The following CTNNA2 variants were observed in gnomAD, a reference collection of about 807,000 sequenced individuals.
CTNNA2 encodes the protein catenin alpha 2.
In CTNNA2, 42 loss-of-function variants were observed where a neutral mutation model predicts 101.0. That is an observed-to-expected ratio of 0.42 (90% confidence interval 0.32 to 0.54). The LOEUF is 0.54. CTNNA2 is among the 20% of genes least tolerant of loss of function. The pLI is 0.14. For synonymous variants in CTNNA2, 450 were observed against 456.4 expected, an observed-to-expected ratio of 0.99 and a Z score of 0.18; for missense variants, 871 against 1,223.1, an observed-to-expected ratio of 0.71 and a Z score of 4.29.
intron 14 of CTNNA2, among the ~76,000 whole-genome samples, chr2:80,588,819 T>C (rs916572428): frequency 1.3e-5 from 2 of 152,116 alleles, no homozygotes; most frequent in African/African-American, 4.8e-5. Flanking sequence ...CTTACACTCA[T>C]AGAAAGTAGC....
rs561639923 is a variant in CTNNA2, at chr2:80,020,942, C to T, written c.1056+111145C>T. Among the ~76,000 whole-genome samples, 3 of 150,060 alleles carry T rather than the reference C, an allele frequency of 2.0e-5. No individual in the cohort carries two copies. The South Asian group carries it at 6.4e-4, about 32-fold the overall frequency. ...CCTCCTCAGTGCCACCCAAGCAAGT[C>T]TCACTAAAATCCTCTTCTCTTTGGT... On this transcript the variant is annotated intron_variant, in intron 7 of 18. Transcript: ENST00000402739.
In CTNNA2 at chr2:79,322,174, A is replaced by T. The variant is rs1676639824; in HGVS notation, c.-318+9378A>T. Reference sequence around the variant, plus strand: ...CAGTCCGAGATTACCCTCCCGAAGGAGATGTCTTCAAAGGAACTAAGATAA... The same window carrying T: ...CAGTCCGAGATTACCCTCCCGAAGGTGATGTCTTCAAAGGAACTAAGATAA... On this transcript the variant is annotated intron_variant, in intron 3 of 21. Coordinates refer to the CTNNA2 transcript ENST00000466387. Among the ~76,000 whole-genome samples, 7 of 152,214 alleles carry T rather than the reference A, an allele frequency of 4.6e-5. No individual in the cohort carries two copies. The South Asian group carries it at 1.4e-3, about 32-fold the overall frequency.
At chr2:80,071,778 G>C (rs1280753268) in intron 7 of CTNNA2, among the ~76,000 whole-genome samples, 1 of 152,156 alleles carries the variant, frequency 6.6e-6, no homozygotes, top group Non-Finnish European at 1.5e-5. Context: ...TCATCGGCAG[G>C]GGTTGGAGAA....
intron 2 of CTNNA2, among the ~76,000 whole-genome samples, chr2:79,233,603 G>A (rs1253672424): frequency 6.6e-6 from 1 of 152,080 alleles, no homozygotes; most frequent in Non-Finnish European, 1.5e-5. Context: ...TCCAGAATTT[G>A]TTTTAGTTTC....
At chr2:79,523,562 A>G (rs1672236154) in intron 1 of CTNNA2, among the ~76,000 whole-genome samples, 1 of 152,160 alleles carries the variant, frequency 6.6e-6, no homozygotes, top group African/African-American at 2.4e-5. Flanking sequence ...TAAGATGAAC[A>G]TCCTTATACA....
At chr2:80,602,342 G>T (rs1697627492) in intron 15 of CTNNA2, among the ~76,000 whole-genome samples, 2 of 151,974 alleles carry the variant, frequency 1.3e-5, no homozygotes, top group African/African-American at 4.8e-5. Flanking sequence ...CATTAACTTG[G>T]AACATTTTGT....
At chr2:80,515,150 T>G (rs530565970) in intron 9 of CTNNA2, among the ~76,000 whole-genome samples, 1 of 151,502 alleles carries the variant, frequency 6.6e-6, no homozygotes, top group African/African-American at 2.4e-5. Context: ...GAATTGCCCA[T>G]CTTTTTTTTT....
At chr2:80,283,634 AGATGT>A (rs1674544754) in intron 7 of CTNNA2, among the ~76,000 whole-genome samples, 1 of 152,212 alleles carries the variant, frequency 6.6e-6, no homozygotes, top group African/African-American at 2.4e-5. Flanking sequence ...TTCAATGGGA[AGATGT>A]CTCATGAGTT....
chr2:79,314,046 A>T (rs1676441783), intron 3 of CTNNA2, among the ~76,000 whole-genome samples: 1 of 152,030 alleles, frequency 6.6e-6, no homozygotes, highest in African/African-American at 2.4e-5. Context: ...CTGTGCTGTT[A>T]GTCATTTTTC....
At chr2:79,910,955 AC>A (rs1386014575) in intron 7 of CTNNA2, among the ~76,000 whole-genome samples, 1 of 152,208 alleles carries the variant, frequency 6.6e-6, no homozygotes, top group Non-Finnish European at 1.5e-5. Context: ...ACTAAAAAAA[AC>A]AAAATTTGTT....
intron 7 of CTNNA2, among the ~76,000 whole-genome samples, chr2:80,062,300 C>T (rs1697653211): frequency 6.6e-6 from 1 of 152,144 alleles, no homozygotes; most frequent in Non-Finnish European, 1.5e-5. Context: ...TTATTCTCTG[C>T]CCTTTCCATC....
intron 7 of CTNNA2, among the ~76,000 whole-genome samples, chr2:80,014,368 A>G (rs570283612): frequency 6.8e-6 from 1 of 147,854 alleles, no homozygotes; most frequent in Non-Finnish European, 1.5e-5. Flanking sequence ...AGTTTCATGA[A>G]AAAGTGTTTT....
intron 7 of CTNNA2, among the ~76,000 whole-genome samples, chr2:79,962,925 A>G (rs940021864): frequency 6.6e-6 from 1 of 151,668 alleles, no homozygotes; most frequent in Non-Finnish European, 1.5e-5. Flanking sequence ...TAAAAAATTA[A>G]CCGGGCGTAG....
At chr2:79,369,574 C>T (rs541680522) in intron 3 of CTNNA2, among the ~76,000 whole-genome samples, 2 of 152,272 alleles carry the variant, frequency 1.3e-5, no homozygotes, top group South Asian at 4.1e-4. Flanking sequence ...CCTACAGAAG[C>T]TCCCCCAGGT....
chr2:79,471,291 A>G (rs1349911688), intron 4 of CTNNA2, among the ~76,000 whole-genome samples: 2 of 152,172 alleles, frequency 1.3e-5, no homozygotes, highest in African/African-American at 2.4e-5. Flanking sequence ...TAAAAATACT[A>G]TAGTCTTAGT....
chr2:79,745,557 A>T (rs1165660022), intron 3 of CTNNA2, among the ~76,000 whole-genome samples: 1 of 152,168 alleles, frequency 6.6e-6, no homozygotes, highest in Non-Finnish European at 1.5e-5. Context: ...TTGCAAACTG[A>T]AACTCTATAC....
intron 3 of CTNNA2, among the ~76,000 whole-genome samples, chr2:79,333,191 C>T (rs974067169): frequency 4.6e-5 from 7 of 151,964 alleles, no homozygotes; most frequent in Non-Finnish European, 8.8e-5. Context: ...AAGACATATT[C>T]AAGCAACACC....
intron 7 of CTNNA2, among the ~76,000 whole-genome samples, chr2:80,125,716 C>G (rs1318712299): frequency 6.6e-6 from 1 of 152,198 alleles, no homozygotes; most frequent in East Asian, 1.9e-4. Context: ...CATTTCTGCT[C>G]TAGTGCCTGG....
intron 2 of CTNNA2, among the ~76,000 whole-genome samples, chr2:79,225,450 G>C (rs902860948): frequency 6.6e-6 from 1 of 152,124 alleles, no homozygotes; most frequent in South Asian, 2.1e-4. Context: ...ATATGCTTGA[G>C]TGTTTACTCT....
Sources: gnomAD v4.1 joint callset for allele counts (sites outside exome capture counted in the v4.1 genomes callset) on GRCh38, gnomAD v4.1.1 for gene constraint, MANE v1.5 for transcripts, NCBI Gene and HGNC (gene_info 2026-07-23, HGNC 2026-07-21) for gene names.